Variants in IWS1 observed in about 807,000 individuals in gnomAD.
IWS1 encodes the protein protein IWS1 homolog.
A neutral mutation model predicts 86.7 loss-of-function variants in IWS1; 27 were observed. The observed-to-expected ratio is 0.31, with a 90% CI of 0.23 to 0.43. The LOEUF is 0.43. Among genes scored for constraint, IWS1 ranks in the 20% least tolerant of loss-of-function variants. The probability of loss-of-function intolerance (pLI) is 1.00; values close to 1 mark genes in which losing one functional copy is unlikely to be tolerated. For missense variants in IWS1, 827 were observed against 1,000.8 expected, an observed-to-expected ratio of 0.83 and a Z score of 2.34; for synonymous variants, 313 against 335.1, an observed-to-expected ratio of 0.93 and a Z score of 0.72.
chr2:127,481,538 T>C (rs1321579899), intron 13 of IWS1, among the ~76,000 whole-genome samples: 1 of 152,192 alleles, frequency 6.6e-6, no homozygotes, highest in African/African-American at 2.4e-5. Context: ...AATGTGGAGC[T>C]AGCCGCTTGA....
intron 2 of IWS1, among the ~76,000 whole-genome samples, chr2:127,517,495 CAGT>C (rs1558768754): frequency 6.6e-6 from 1 of 152,166 alleles, no homozygotes; most frequent in Non-Finnish European, 1.5e-5. Flanking sequence ...GGGGAAAGAA[CAGT>C]CTTCTCAACA....
In IWS1 at chr2:127,503,437, A is replaced by T; in HGVS notation, c.1359T>A (p.Asn453Lys). The change falls in exon 4 of 14, where the codon AAT becomes AAA. Residue 453 changes from asparagine to lysine, a missense_variant. Asn to Lys is a moderately conservative substitution (Grantham distance 94). Around this residue, in one of 2 missense-constraint regions of IWS1, gnomAD observed 548 missense variants for 560.2 expected, o/e 0.98. Coordinates refer to ENST00000295321, the MANE Select transcript of IWS1 (RefSeq NM_017969.3). The stretch of plus-strand genomic sequence containing the variant: ...CACTCCCAAACAGATCCTTCTCTTC[A>T]TTTTTCTTATCAGACAATTCTTTCC... ...EAGKELSDKK[N>K]EEKDLFGSDS... The T allele has an allele frequency of 1.2e-6, 2 of 1,612,882 alleles. No individual in the cohort carries two copies. The highest frequency in any genetic ancestry group is 8.5e-7 in the Non-Finnish European group (1 of 1,179,504).
intron 2 of IWS1, among the ~76,000 whole-genome samples, chr2:127,517,931 G>A (rs180793271): frequency 2.8e-4 from 42 of 152,318 alleles, no homozygotes; most frequent in Admixed American, 9.1e-4. Flanking sequence ...GCTACACCCT[G>A]AAAATATTAT....
At chr2:127,497,515 T>A (rs1182156296) in intron 6 of IWS1, among the ~76,000 whole-genome samples, 1 of 152,258 alleles carries the variant, frequency 6.6e-6, no homozygotes. Context: ...ATGGCTTTCA[T>A]CAGAATCATT....
chr2:127,516,857 C>A (rs1187406434), intron 2 of IWS1, among the ~76,000 whole-genome samples: 1 of 151,722 alleles, frequency 6.6e-6, no homozygotes, highest in Non-Finnish European at 1.5e-5. Flanking sequence ...GGAACATTCT[C>A]CAGGATAGAC....
intron 2 of IWS1, among the ~76,000 whole-genome samples, chr2:127,512,132 G>A (rs75704656): frequency 0.04 from 6,084 of 152,208 alleles, 277 homozygotes; most frequent in East Asian, 0.19. Context: ...CCTGTGGGAC[G>A]CTCAGGAGGG....
intron 2 of IWS1, among the ~76,000 whole-genome samples, chr2:127,518,493 G>A (rs777908604): frequency 1.2e-4 from 18 of 151,416 alleles, no homozygotes; most frequent in Non-Finnish European, 2.5e-4. Context: ...CAGCCCGGGC[G>A]ACAGTGTAAG....
chr2:127,508,025 A>G lies in IWS1; in HGVS notation c.151-2273T>C, dbSNP rs549093808. ...AGTAAATATTCCAAAACTCGAAAAA[A>G]TTCTAAATCCAAAACACTTCTGATT... On this transcript the variant is annotated intron_variant, in intron 2 of 13. Transcript: ENST00000295321. Among the ~76,000 whole-genome samples the G allele has an allele frequency of 1.9e-3, 283 of 152,358 alleles. 2 individuals are homozygous for G. The highest frequency in any genetic ancestry group is 0.01 in the Middle Eastern group (3 of 294).
At chr2:127,492,492 G>A (rs1690280528) in intron 9 of IWS1, among the ~76,000 whole-genome samples, 1 of 151,990 alleles carries the variant, frequency 6.6e-6, no homozygotes. Context: ...GTTGAAGTGA[G>A]CCGAGGTGGT....
intron 2 of IWS1, among the ~76,000 whole-genome samples, chr2:127,520,947 T>G (rs1349647215): frequency 6.6e-6 from 1 of 152,186 alleles, no homozygotes; most frequent in Non-Finnish European, 1.5e-5. Flanking sequence ...AAAAGTATCA[T>G]CTTAAGTGAA....
chr2:127,489,953 G>GA lies in IWS1; in HGVS notation c.2048-11dup, dbSNP rs1437290497. On this transcript the variant is annotated splice_polypyrimidine_tract_variant and intron_variant, in intron 10 of 13. Coordinates refer to ENST00000295321, the MANE Select transcript of IWS1 (RefSeq NM_017969.3). The surrounding 1 kb of genome is among the most constrained non-coding windows in gnomAD (Gnocchi z 4.8). The stretch of plus-strand genomic sequence containing the variant: ...GGCCTAGACCACTCATCTGTAGTAA[G>GA]AAAAAAATCAATTATTTTGTCCATA... 2.1e-6 allele frequency: 3 copies of GA among 1,417,688 alleles called. 1 individual carries two copies. The highest frequency in any genetic ancestry group is 9.9e-7 in the Non-Finnish European group (1 of 1,007,292). 87.8% of individuals were successfully genotyped at this position (1,417,688 alleles called of 1,614,324 possible).
chr2:127,488,785 TCCAAC>T (rs1690065402), intron 12 of IWS1, among the ~76,000 whole-genome samples: 1 of 152,184 alleles, frequency 6.6e-6, no homozygotes, highest in South Asian at 2.1e-4. Context: ...CATACTACTG[TCCAAC>T]CCCTTCAGTC....
intron 2 of IWS1, among the ~76,000 whole-genome samples, chr2:127,515,940 T>C (rs1314129552): frequency 6.6e-6 from 1 of 152,210 alleles, no homozygotes; most frequent in Non-Finnish European, 1.5e-5. Flanking sequence ...TCCGAAAGAC[T>C]GCAGTTGAGA....
intron 10 of IWS1, 88 bp downstream of exon 10, chr2:127,491,883 T>C (rs1690246455): frequency 2.5e-6 from 2 of 801,296 alleles, no homozygotes; most frequent in Non-Finnish European, 4.3e-6. Context: ...TTAAAACAAA[T>C]ACTGGTAAAA....
At position 127,509,707 on chromosome 2, in the gene IWS1, C is replaced by CAAAAAAAAAAAAA. The variant is rs34526019; in HGVS notation, c.151-3968_151-3956dup. Among the ~76,000 whole-genome samples the CAAAAAAAAAAAAA allele has an allele frequency of 3.6e-5, 2 of 55,474 alleles. 1 individual carries two copies. The highest frequency in any genetic ancestry group is 6.2e-5 in the Non-Finnish European group (2 of 32,042). 36.4% of individuals were successfully genotyped at this position (55,474 alleles called of 152,430 possible). A position where few individuals can be genotyped will look rare whatever the true frequency, so the allele number is the denominator to read the frequency against. ...TATGTGACAGAGCAACACTCCATCT[C>CAAAAAAAAAAAAA]AAAAAAAAAAAAAAAAAAAAAAAAG... On this transcript the variant is annotated intron_variant, in intron 2 of 13. Coordinates refer to ENST00000295321, the MANE Select transcript of IWS1 (RefSeq NM_017969.3).
At chr2:127,503,239 A>C (rs1690911446) in intron 4 of IWS1, 148 bp downstream of exon 4, 1 of 574,414 alleles carries the variant, frequency 1.7e-6, no homozygotes, top group Non-Finnish European at 3.0e-6. Flanking sequence ...TCTGAGATTC[A>C]CCCACATTGT....
intron 13 of IWS1, 198 bp downstream of exon 13, chr2:127,486,355 G>A: frequency 2.2e-6 from 1 of 459,032 alleles, no homozygotes; most frequent in Non-Finnish European, 4.0e-6. Flanking sequence ...AAATTCATCA[G>A]CAATAAACTT....
intron 5 of IWS1, among the ~76,000 whole-genome samples, chr2:127,498,516 C>T (rs1690629517): frequency 6.6e-6 from 1 of 152,188 alleles, no homozygotes; most frequent in African/African-American, 2.4e-5. Context: ...CAGGATAATG[C>T]TCTGCATCTT....
At chr2:127,493,905 T>C (rs1690371212) in intron 8 of IWS1, among the ~76,000 whole-genome samples, 2 of 151,696 alleles carry the variant, frequency 1.3e-5, no homozygotes, top group Middle Eastern at 6.8e-3. Flanking sequence ...ATCAGTTATG[T>C]TAATAGAAAA....
Sources: allele counts gnomAD v4.1 joint callset (sites outside exome capture counted in the v4.1 genomes callset), GRCh38; gene constraint gnomAD v4.1.1; regional missense constraint gnomAD v4.1.1; non-coding constraint Gnocchi (gnomAD v3.1); transcripts MANE v1.5; gene names NCBI Gene and HGNC (gene_info 2026-07-23, HGNC 2026-07-21).